ARF4: variants seen among roughly 807,000 people sequenced by gnomAD.
The protein encoded by ARF4 is ADP-ribosylation factor 4.
Under a neutral mutation model 24.3 loss-of-function variants are expected in ARF4, and 5 were observed. The ratio of observed to expected loss-of-function variants is 0.21; its 90% CI spans 0.11 to 0.43. The LOEUF is 0.43. ARF4 is among the 20% of genes least tolerant of loss of function. The pLI is 1.00. For missense variants in ARF4, 107 were observed against 213.0 expected (o/e 0.50, Z 3.10); for synonymous variants, 62 against 73.5 (o/e 0.84, Z 0.80).
intron 1 of ARF4, among the ~76,000 whole-genome samples, chr3:57,591,765 A>G (rs2070119631): frequency 6.6e-6 from 1 of 152,060 alleles, no homozygotes; most frequent in African/African-American, 2.4e-5. Context: ...GCGCCCGGCC[A>G]TTATGAATGA....
chr3:57,573,479 A>C (rs1284314145), intron 5 of ARF4, among the ~76,000 whole-genome samples: 2 of 152,196 alleles, frequency 1.3e-5, no homozygotes, highest in African/African-American at 4.8e-5. Flanking sequence ...TTGAATACCA[A>C]ATCTCAGTAA....
In ARF4 at chr3:57,597,281, G is replaced by C. The variant is rs964607834; in HGVS notation, c.-141C>G. The stretch of plus-strand genomic sequence containing the variant: ...GAAAGAGGGAGGCAGAAACGTCTCA[G>C]TGGCCCCTGTGCCGATGAAGATCCG... On this transcript the variant is annotated 5_prime_UTR_variant, in exon 1 of 6. Transcript: ENST00000303436. 3.9e-6 allele frequency: 3 copies of C among 766,940 alleles called. No individual in the cohort carries two copies. The highest frequency in any genetic ancestry group is 2.4e-5 in the Admixed American group (1 of 41,842). 47.5% of individuals were successfully genotyped at this position (766,940 alleles called of 1,614,324 possible). A position where few individuals can be genotyped will look rare whatever the true frequency, so the allele number is the denominator to read the frequency against.
intron 3 of ARF4, among the ~76,000 whole-genome samples, chr3:57,578,282 C>T (rs1026475274): frequency 6.6e-6 from 1 of 151,174 alleles, no homozygotes; most frequent in African/African-American, 2.4e-5. Flanking sequence ...AGACTGGGCG[C>T]AGTGGCTCAC....
In ARF4 at chr3:57,586,993, G is replaced by A. The variant is rs528256447; in HGVS notation, c.68-2529C>T. Among the ~76,000 whole-genome samples the A allele has an allele frequency of 1.6e-4, 25 of 151,986 alleles. No homozygotes were observed. The South Asian group carries it at 4.8e-3, about 29-fold the overall frequency. The stretch of plus-strand genomic sequence containing the variant: ...ACTATGGTACCTGCCAGTTATCACC[G>A]GAGGTCCAACTGGACCTCAGATTGT... On this transcript the variant is annotated intron_variant, in intron 1 of 5. Coordinates refer to ENST00000303436, the MANE Select transcript of ARF4 (RefSeq NM_001660.4).
chr3:57,579,253 C>CAAAA (rs764058520), intron 3 of ARF4, among the ~76,000 whole-genome samples: 25,242 of 47,724 alleles, frequency 0.53, 7,875 homozygotes, highest in African/African-American at 0.66. Context: ...AACTACATCT[C>CAAAA]AAAAAAAAAA....
intron 3 of ARF4, among the ~76,000 whole-genome samples, chr3:57,582,827 A>G (rs978843343): frequency 6.6e-6 from 1 of 152,246 alleles, no homozygotes; most frequent in South Asian, 2.1e-4. Flanking sequence ...GGACCAGGTT[A>G]AACAAAGGTA....
At chr3:57,577,025 T>G (rs1000642980) in intron 4 of ARF4, among the ~76,000 whole-genome samples, 3 of 150,994 alleles carry the variant, frequency 2.0e-5, no homozygotes, top group African/African-American at 7.3e-5. Context: ...CAGCCAGAGA[T>G]AGGCATCAAG....
At chr3:57,576,849 A>G (rs1384843525) in intron 4 of ARF4, among the ~76,000 whole-genome samples, 1 of 152,158 alleles carries the variant, frequency 6.6e-6, no homozygotes, top group African/African-American at 2.4e-5. Context: ...TTAAATGGTT[A>G]CTATTAAAAA....
intron 1 of ARF4, among the ~76,000 whole-genome samples, chr3:57,595,705 C>A (rs1575790644): frequency 6.6e-6 from 1 of 152,214 alleles, no homozygotes; most frequent in East Asian, 1.9e-4. Flanking sequence ...TCCCAGCACT[C>A]TGGGAAGCCT....
intron 1 of ARF4, among the ~76,000 whole-genome samples, chr3:57,591,275 A>G (rs1408483777): frequency 6.6e-6 from 1 of 152,188 alleles, no homozygotes; most frequent in Non-Finnish European, 1.5e-5. Context: ...TTGAAGAGCT[A>G]GAAAGTGAAA....
chr3:57,573,201 CAA>C (rs35901487), intron 5 of ARF4, among the ~76,000 whole-genome samples: 10 of 125,762 alleles, frequency 8.0e-5, no homozygotes, highest in Non-Finnish European at 8.2e-5. Context: ...GACTCCATCT[CAA>C]AAAAAAAAAA....
At chr3:57,577,241 A>C (rs1429010298) in intron 4 of ARF4, 75 bp downstream of exon 4, 6 of 1,237,022 alleles carry the variant, frequency 4.9e-6, no homozygotes, top group Non-Finnish European at 7.1e-6. Context: ...TCATAGTCAA[A>C]ATGTACTAAA....
intron 3 of ARF4, among the ~76,000 whole-genome samples, chr3:57,579,586 C>A (rs2069946734): frequency 6.6e-6 from 1 of 152,138 alleles, no homozygotes; most frequent in African/African-American, 2.4e-5. Flanking sequence ...CCGCGCCCAG[C>A]CCCATCCTAC....
chr3:57,593,979 G>T (rs1163716252), intron 1 of ARF4, among the ~76,000 whole-genome samples: 1 of 152,176 alleles, frequency 6.6e-6, no homozygotes, highest in Admixed American at 6.5e-5. Flanking sequence ...AAGCTGGCTG[G>T]GTGTGATGGC....
intron 5 of ARF4, among the ~76,000 whole-genome samples, chr3:57,574,768 C>T (rs975124093): frequency 6.6e-6 from 1 of 152,184 alleles, no homozygotes; most frequent in South Asian, 2.1e-4. Context: ...GGAATCCCAG[C>T]GCTTTGGTAG....
intron 5 of ARF4, among the ~76,000 whole-genome samples, chr3:57,573,144 G>A (rs1464496514): frequency 6.6e-6 from 1 of 151,140 alleles, no homozygotes; most frequent in Admixed American, 6.6e-5. Context: ...AGAGCTTGCA[G>A]TGAGCCGAGA....
At chr3:57,575,404 G>T in intron 5 of ARF4, 144 bp downstream of exon 5, 12 of 767,708 alleles carry the variant, frequency 1.6e-5, no homozygotes, top group Middle Eastern at 4.6e-4. Context: ...GGTATTTAAA[G>T]TTTATTACCA....
At chr3:57,587,736 A>G (rs1351333466) in intron 1 of ARF4, among the ~76,000 whole-genome samples, 1 of 152,146 alleles carries the variant, frequency 6.6e-6, no homozygotes, top group African/African-American at 2.4e-5. Context: ...AACCATTTCT[A>G]GGTCACCCCA....
chr3:57,587,557 T>C (rs1474970355), intron 1 of ARF4, among the ~76,000 whole-genome samples: 2 of 152,076 alleles, frequency 1.3e-5, no homozygotes, highest in African/African-American at 4.8e-5. Context: ...ATTACTTTTA[T>C]GAAAAGAGAA....
Sources: allele counts gnomAD v4.1 joint callset (sites outside exome capture counted in the v4.1 genomes callset), GRCh38; gene constraint gnomAD v4.1.1; transcripts MANE v1.5; gene names NCBI Gene and HGNC (gene_info 2026-07-23, HGNC 2026-07-21).